CASR: variants seen among roughly 807,000 people sequenced by gnomAD.
The protein encoded by CASR is extracellular calcium-sensing receptor.
Under a neutral mutation model 69.1 loss-of-function variants are expected in CASR, and 23 were observed. The ratio of observed to expected loss-of-function variants is 0.33; its 90% CI spans 0.24 to 0.47. The LOEUF (loss-of-function observed/expected upper bound fraction) is 0.47, where lower values mean the gene tolerates loss of function less well. Ranked by LOEUF, CASR falls within the 20% of genes least tolerant of loss-of-function variation. The pLI, the probability that CASR is intolerant of heterozygous loss-of-function variation, is 1.00. For missense variants in CASR, 924 were observed against 1,356.1 expected (o/e 0.68, Z 5.00); for synonymous variants, 541 against 544.7 (o/e 0.99, Z 0.10).
chr3:122,238,531 C>T (rs1005590195), intron 1 of CASR, among the ~76,000 whole-genome samples: 1 of 152,164 alleles, frequency 6.6e-6, no homozygotes, highest in Non-Finnish European at 1.5e-5. Context: ...TAGTGCTGGG[C>T]TAGGCTTAAC....
chr3:122,250,622 C>T (rs1465885283), intron 1 of CASR, among the ~76,000 whole-genome samples: 1 of 152,166 alleles, frequency 6.6e-6, no homozygotes, highest in Admixed American at 6.5e-5. Flanking sequence ...CTTGGTATTA[C>T]CCTCATTACA....
intron 1 of CASR, among the ~76,000 whole-genome samples, chr3:122,251,699 T>C (rs1435697917): frequency 6.6e-6 from 1 of 152,194 alleles, no homozygotes; most frequent in Non-Finnish European, 1.5e-5. Context: ...GAGTGTGACA[T>C]ACAAAGAGAA....
intron 5 of CASR, among the ~76,000 whole-genome samples, chr3:122,279,888 T>A (rs1452249147): frequency 6.6e-6 from 1 of 152,176 alleles, no homozygotes; most frequent in Non-Finnish European, 1.5e-5. Flanking sequence ...TTGCTGCACC[T>A]GTCAACCCAT....
At chr3:122,202,639 G>A (rs2073968756) in intron 1 of CASR, among the ~76,000 whole-genome samples, 1 of 152,026 alleles carries the variant, frequency 6.6e-6, no homozygotes, top group South Asian at 2.1e-4. Flanking sequence ...TCACTTTTAG[G>A]TTGTTTTTAT....
At position 122,260,713 on chromosome 3, in the gene CASR, G is replaced by C. The variant is rs142165530; in HGVS notation, c.493-815G>C. Among the ~76,000 whole-genome samples the C allele has an allele frequency of 2.3e-4, 35 of 151,930 alleles. No homozygotes were observed. In the East Asian group the frequency reaches 6.8e-3, roughly 29 times the overall value. On this transcript the variant is annotated intron_variant, in intron 3 of 6. Transcript: ENST00000639785. ...ATAAAAAAAAAAAAAAAGTGGGTCT[G>C]GCCATAAAATCAATCCAACAATAGT... is the stretch of plus-strand genomic sequence containing the variant.
In CASR at chr3:122,286,907, T is replaced by G. The variant is rs1232055861; in HGVS notation, c.*1716T>G. The stretch of plus-strand genomic sequence containing the variant: ...GCCTTTCAGTGATTTGTAGGGCAAA[T>G]TGGTGGACTTGATAGTTGTTAAGAT... On this transcript the variant is annotated 3_prime_UTR_variant, in exon 7 of 7. Coordinates refer to ENST00000639785, the MANE Select transcript of CASR (RefSeq NM_000388.4). 6 of 152,200 alleles carry G rather than the reference T, an allele frequency of 3.9e-5. No individual in the cohort carries two copies. The East Asian group carries it at 1.2e-3, about 29-fold the overall frequency. The allele number at this position is 152,200 out of a possible 1,614,324, so 9.4% of individuals were successfully genotyped here. A position where few individuals can be genotyped will look rare whatever the true frequency, so the allele number is the denominator to read the frequency against.
At chr3:122,227,341 G>T (rs185785190) in intron 1 of CASR, among the ~76,000 whole-genome samples, 14 of 152,330 alleles carry the variant, frequency 9.2e-5, no homozygotes, top group Non-Finnish European at 2.1e-4. Flanking sequence ...CAGGCATGGC[G>T]GGCTGCAGGT....
In CASR at chr3:122,257,218, T is replaced by C. The variant is rs1553766242; in HGVS notation, c.323T>C (p.Leu108Ser). The change falls in exon 3 of 7, where the codon TTG becomes TCG. Residue 108 changes from leucine (L) to serine (S), a missense_variant. Coordinates refer to ENST00000639785, the MANE Select transcript of CASR (RefSeq NM_000388.4). ...ACTTGCAACACCGTTTCTAAGGCCT[T>C]GGAAGCCACCCTGAGTTTTGTTGCT... ...FDTCNTVSKA[L>S]EATLSFVAQN... is the part of the protein sequence containing the mutation. The C allele has an allele frequency of 6.2e-7, 1 of 1,614,240 alleles. No homozygotes were observed. The highest frequency in any genetic ancestry group is 8.5e-7 in the Non-Finnish European group (1 of 1,180,042).
intron 2 of CASR, among the ~76,000 whole-genome samples, chr3:122,256,068 A>T (rs2074551598): frequency 6.6e-6 from 1 of 152,258 alleles, no homozygotes; most frequent in Non-Finnish European, 1.5e-5. Context: ...TTCTTCTTTG[A>T]AAAGCAATGC....
rs185107223 is a variant in CASR, at chr3:122,237,141, T to A, written c.-242-16807T>A. On this transcript the variant is annotated intron_variant, in intron 1 of 6. Coordinates refer to ENST00000639785, the MANE Select transcript of CASR (RefSeq NM_000388.4). The stretch of plus-strand genomic sequence containing the variant: ...TTTTTTTTTTTTTTTGACAGAGTCT[T>A]GCTCTGTCACCAAGCTGGAGTGCAG... Among the ~76,000 whole-genome samples, 8 of 148,800 alleles carry A rather than the reference T, an allele frequency of 5.4e-5. No individual in the cohort carries two copies. The East Asian group carries it at 1.2e-3, about 22-fold the overall frequency.
At chr3:122,201,520 C>T (rs2073950845) in intron 1 of CASR, among the ~76,000 whole-genome samples, 1 of 152,282 alleles carries the variant, frequency 6.6e-6, no homozygotes, top group South Asian at 2.1e-4. Context: ...GTTGGGTACA[C>T]CTCCCAGACG....
rs1180682664 is a variant in CASR, at chr3:122,288,407, GT to G, written c.*3220del. On this transcript the variant is annotated 3_prime_UTR_variant, in exon 7 of 7. Transcript: ENST00000639785. ...ATCTGTAAGATAATACATTTGTGTT[GT>G]TTTAAGCCATGAAGTTTATAGTAAT... is the stretch of plus-strand genomic sequence containing the variant. 1 of 152,222 alleles carries G rather than the reference GT, an allele frequency of 6.6e-6. No individual in the cohort carries two copies. The allele number at this position is 152,222 out of a possible 1,614,324, so 9.4% of individuals were successfully genotyped here.
chr3:122,230,803 G>A (rs1195846556), intron 1 of CASR, among the ~76,000 whole-genome samples: 1 of 152,196 alleles, frequency 6.6e-6, no homozygotes, highest in African/African-American at 2.4e-5. Flanking sequence ...GAGCAGCTAG[G>A]TGGGGACTAG....
Position 122,189,194 on chromosome 3 carries a change from A to C in CASR, c.-243+5382A>C, listed in dbSNP as rs12630233. On this transcript the variant is annotated intron_variant, in intron 1 of 6. Coordinates refer to ENST00000639785, the MANE Select transcript of CASR (RefSeq NM_000388.4). ...TAGTTTGGTGGAAGGTGGGCTTTCT[A>C]TCTCTGACCTTCAGCATGACATTAA... 3.7e-3 allele frequency among the ~76,000 whole-genome samples: 559 copies of C among 152,328 alleles called. 3 individuals carry two copies. The highest frequency in any genetic ancestry group is 0.014 in the East Asian group (71 of 5,174).
chr3:122,278,754 G>A (rs1445992107), intron 5 of CASR, among the ~76,000 whole-genome samples: 1 of 152,150 alleles, frequency 6.6e-6, no homozygotes, highest in East Asian at 1.9e-4. Flanking sequence ...GTAGTGAAAA[G>A]TACAGACTTT....
intron 4 of CASR, among the ~76,000 whole-genome samples, chr3:122,267,504 G>A (rs2074708380): frequency 6.6e-6 from 1 of 152,156 alleles, no homozygotes; most frequent in South Asian, 2.1e-4. Context: ...ACTCCTTGGA[G>A]GAAAGGTCAC....
rs558470472 is a variant in CASR, at chr3:122,286,338, C to T, written c.*1147C>T. On this transcript the variant is annotated 3_prime_UTR_variant, in exon 7 of 7. Coordinates refer to ENST00000639785, the MANE Select transcript of CASR (RefSeq NM_000388.4). Reference sequence around the variant, plus strand: ...AGTGACTGTAGGCAGGGAACCTTAACCTCTCTAAGCCACAGCTTCTTCATC... The same window carrying T: ...AGTGACTGTAGGCAGGGAACCTTAATCTCTCTAAGCCACAGCTTCTTCATC... 3 of 152,280 alleles carry T rather than the reference C, an allele frequency of 2.0e-5. No individual in the cohort carries two copies. The highest frequency in any genetic ancestry group is 7.2e-5 in the African/African-American group (3 of 41,550). 9.4% of individuals were successfully genotyped at this position (152,280 alleles called of 1,614,324 possible).
chr3:122,199,912 T>C (rs1236349618), intron 1 of CASR, among the ~76,000 whole-genome samples: 6 of 152,200 alleles, frequency 3.9e-5, no homozygotes, highest in Non-Finnish European at 7.3e-5. Flanking sequence ...TGTTTGTTTT[T>C]TGTTTTGTTT....
At chr3:122,261,084 A>C (rs368872933) in intron 3 of CASR, among the ~76,000 whole-genome samples, 2 of 152,344 alleles carry the variant, frequency 1.3e-5, no homozygotes. Flanking sequence ...AGTAAAGGGA[A>C]GTTAAACTCT....
Sources: gnomAD v4.1 joint callset for allele counts (sites outside exome capture counted in the v4.1 genomes callset) on GRCh38, gnomAD v4.1.1 for gene constraint, MANE v1.5 for transcripts, NCBI Gene and HGNC (gene_info 2026-07-23, HGNC 2026-07-21) for gene names.